The following PDE10A variants were observed in gnomAD, a reference collection of about 807,000 sequenced individuals.
PDE10A encodes phosphodiesterase 10A.
Under a neutral mutation model 97.7 loss-of-function variants are expected in PDE10A, and 39 were observed. That is an observed-to-expected ratio of 0.40 (90% CI 0.31 to 0.52). PDE10A has a LOEUF of 0.52. PDE10A is among the 20% of genes least tolerant of loss of function. The probability of loss-of-function intolerance (pLI) is 0.56; values close to 1 mark genes in which losing one functional copy is unlikely to be tolerated. For missense variants in PDE10A, 731 were observed against 1,047.8 expected (o/e 0.70, Z 4.17); for synonymous variants, 371 against 376.8 (o/e 0.98, Z 0.18).
chr6:165,345,157 G>C (rs1015217864), intron 18 of PDE10A, among the ~76,000 whole-genome samples: 4 of 151,906 alleles, frequency 2.6e-5, no homozygotes, highest in African/African-American at 9.7e-5. Context: ...GTATATCATG[G>C]TGAAATAATC....
chr6:165,425,941 CAA>C (rs1370599674), intron 10 of PDE10A, among the ~76,000 whole-genome samples: 1 of 151,566 alleles, frequency 6.6e-6, no homozygotes, highest in Non-Finnish European at 1.5e-5. Context: ...ATAAAGAAAA[CAA>C]TTCCATTTAT....
intron 20 of PDE10A, among the ~76,000 whole-genome samples, chr6:165,336,621 CG>C: frequency 6.6e-6 from 1 of 152,072 alleles, no homozygotes; most frequent in East Asian, 1.9e-4. Context: ...CGGTGGCAGG[CG>C]CCTGTAGTCC....
chr6:165,367,471 A>G (rs878862433), intron 18 of PDE10A, among the ~76,000 whole-genome samples: 1 of 152,174 alleles, frequency 6.6e-6, no homozygotes, highest in Non-Finnish European at 1.5e-5. Flanking sequence ...GAAAAGAGAC[A>G]TAATGGGGCA....
intron 18 of PDE10A, among the ~76,000 whole-genome samples, chr6:165,352,895 G>A (rs1404932709): frequency 6.6e-6 from 1 of 152,050 alleles, no homozygotes. Context: ...TGTCAAAAGA[G>A]TAAAAAGGCA....
chr6:165,437,225 A>T (rs941437910), intron 5 of PDE10A, among the ~76,000 whole-genome samples: 1 of 147,790 alleles, frequency 6.8e-6, no homozygotes, highest in African/African-American at 2.4e-5. Flanking sequence ...TGAAAATGTA[A>T]AACGCACATC....
chr6:165,967,236 C>T (rs539114837), intron 1 of PDE10A, among the ~76,000 whole-genome samples: 11 of 152,306 alleles, frequency 7.2e-5, no homozygotes, highest in African/African-American at 9.6e-5. Flanking sequence ...CAGTGGTTCA[C>T]GCCTGTAATC....
intron 1 of PDE10A, among the ~76,000 whole-genome samples, chr6:165,935,596 T>C (rs1783298220): frequency 6.6e-6 from 1 of 152,200 alleles, no homozygotes; most frequent in Non-Finnish European, 1.5e-5. Flanking sequence ...AGAGTGGATA[T>C]GTTTGAGAGA....
At chr6:165,897,752 C>T (rs947966634) in intron 1 of PDE10A, among the ~76,000 whole-genome samples, 2 of 151,742 alleles carry the variant, frequency 1.3e-5, no homozygotes, top group African/African-American at 4.8e-5. Context: ...TCAGGATGTG[C>T]CTGTGGGTGC....
At chr6:165,428,005 TA>T (rs200348093) in intron 10 of PDE10A, among the ~76,000 whole-genome samples, 37 of 148,974 alleles carry the variant, frequency 2.5e-4, no homozygotes, top group South Asian at 1.1e-3. Context: ...CTATGTTAAA[TA>T]AAAAAAAAAC....
chr6:165,640,886 A>G (rs1789096796), intron 1 of PDE10A, among the ~76,000 whole-genome samples: 1 of 152,274 alleles, frequency 6.6e-6, no homozygotes, highest in South Asian at 2.1e-4. Context: ...CTTTGTCCTC[A>G]GCCAGCACCT....
At chr6:165,558,900 A>G (rs1784389960) in intron 1 of PDE10A, among the ~76,000 whole-genome samples, 1 of 152,234 alleles carries the variant, frequency 6.6e-6, no homozygotes, top group South Asian at 2.1e-4. Flanking sequence ...ATGTATACAT[A>G]TGTAGCAAAC....
chr6:165,883,348 G>A (rs1781539002), intron 1 of PDE10A, among the ~76,000 whole-genome samples: 1 of 152,120 alleles, frequency 6.6e-6, no homozygotes, highest in African/African-American at 2.4e-5. Flanking sequence ...TTCAAGACCA[G>A]CCTGGCCAAC....
chr6:165,587,322 C>G (rs778581258), intron 1 of PDE10A, among the ~76,000 whole-genome samples: 6 of 152,096 alleles, frequency 3.9e-5, no homozygotes, highest in Admixed American at 1.3e-4. Flanking sequence ...TAGAACGATA[C>G]AAGGAGAAAG....
intron 1 of PDE10A, among the ~76,000 whole-genome samples, chr6:165,859,215 T>A (rs949883539): frequency 1.3e-5 from 2 of 152,172 alleles, no homozygotes; most frequent in Admixed American, 6.5e-5. Context: ...AGGATGAAGG[T>A]CCTCTACCAC....
chr6:165,702,413 A>G (rs144624500), intron 1 of PDE10A, among the ~76,000 whole-genome samples: 1 of 152,284 alleles, frequency 6.6e-6, no homozygotes, highest in African/African-American at 2.4e-5. Context: ...TAAGGGCTTA[A>G]TTAGGATCAT....
At chr6:165,969,110 G>A (rs1175856370) in intron 1 of PDE10A, among the ~76,000 whole-genome samples, 1 of 152,230 alleles carries the variant, frequency 6.6e-6, no homozygotes, top group African/African-American at 2.4e-5. Flanking sequence ...AGAAAGATAT[G>A]AGGTATAACG....
At chr6:165,480,961 C>T (rs1449444635) in intron 3 of PDE10A, among the ~76,000 whole-genome samples, 1 of 152,176 alleles carries the variant, frequency 6.6e-6, no homozygotes. Context: ...ATGCGCTTTT[C>T]TCCAAATTTG....
intron 6 of PDE10A, among the ~76,000 whole-genome samples, chr6:165,434,016 CA>C (rs759945561): frequency 9.3e-4 from 51 of 54,552 alleles, no homozygotes; most frequent in Non-Finnish European, 1.4e-3. Context: ...GACTCCGTCT[CA>C]AAAAAAAAAA....
intron 1 of PDE10A, among the ~76,000 whole-genome samples, chr6:165,624,504 C>T (rs927264396): frequency 2.0e-5 from 3 of 152,144 alleles, no homozygotes; most frequent in African/African-American, 7.2e-5. Flanking sequence ...TTTTTATTTT[C>T]CTTTCTCCTA....
Sources: gnomAD v4.1 joint callset for allele counts (sites outside exome capture counted in the v4.1 genomes callset) on GRCh38, gnomAD v4.1.1 for gene constraint, MANE v1.5 for transcripts, NCBI Gene and HGNC (gene_info 2026-07-23, HGNC 2026-07-21) for gene names.